Variants in RASSF8 observed in about 807,000 individuals in gnomAD.
The protein encoded by RASSF8 is Ras association domain family member 8.
Under a neutral mutation model 48.5 loss-of-function variants are expected in RASSF8, and 22 were observed. That is an observed-to-expected ratio of 0.45 (90% confidence interval 0.32 to 0.65). The LOEUF (loss-of-function observed/expected upper bound fraction) is 0.65. RASSF8 is among the 30% of genes least tolerant of loss of function. The pLI, the probability that RASSF8 is intolerant of heterozygous loss-of-function variation, is 0.03. For missense variants in RASSF8, 418 were observed against 489.2 expected, an observed-to-expected ratio of 0.85 and a Z score of 1.37; for synonymous variants, 127 against 171.5, an observed-to-expected ratio of 0.74 and a Z score of 2.03.
intron 2 of RASSF8, among the ~76,000 whole-genome samples, chr12:26,009,836 A>G (rs1942480060): frequency 6.6e-6 from 1 of 152,246 alleles, no homozygotes; most frequent in Admixed American, 6.5e-5. Flanking sequence ...TGAGCTTGAT[A>G]GAGAATGGAA....
In RASSF8 at chr12:26,065,338, G is replaced by A. The variant is rs2060238695; in HGVS notation, c.944G>A (p.Gly315Asp). Residue 315 changes from glycine to aspartate, a missense_variant, in exon 4 of 6, where the codon GGC (glycine) becomes GAC (aspartate). By Grantham distance (94) the Gly-to-Asp change is moderately conservative. Coordinates refer to ENST00000689635, the MANE Select transcript of RASSF8 (RefSeq NM_001394098.1). ...CAGCAGAGTCTGAGGTTGGAAAATG[G>A]CATCAAAGCTGTGGAAAGATCTCTT... ...QGQQSLRLEN[G>D]IKAVERSLGQ... 6.2e-7 allele frequency: 1 copy of A among 1,614,000 alleles called. No individual in the cohort carries two copies. The highest frequency in any genetic ancestry group is 8.5e-7 in the Non-Finnish European group (1 of 1,179,976).
chr12:25,972,851 A>T (rs1317019138), intron 1 of RASSF8, among the ~76,000 whole-genome samples: 1 of 152,228 alleles, frequency 6.6e-6, no homozygotes, highest in Admixed American at 6.5e-5. Context: ...AGAATACAGC[A>T]TTATCAGCAT....
At chr12:26,033,576 A>G (rs1943071861) in intron 2 of RASSF8, among the ~76,000 whole-genome samples, 1 of 152,170 alleles carries the variant, frequency 6.6e-6, no homozygotes, top group African/African-American at 2.4e-5. Flanking sequence ...GAAAAAGGAA[A>G]TAAGTTCTGC....
intron 1 of RASSF8, among the ~76,000 whole-genome samples, chr12:25,971,281 T>A (rs1409510962): frequency 6.6e-6 from 1 of 152,214 alleles, no homozygotes; most frequent in African/African-American, 2.4e-5. Context: ...TTCTTAATGA[T>A]TTTCGTGGGG....
Position 25,994,510 on chromosome 12 carries a change from G to A in RASSF8, c.-202-527G>A, listed in dbSNP as rs79089096. 2.6e-5 allele frequency among the ~76,000 whole-genome samples: 4 copies of A among 152,266 alleles called. No homozygotes were observed. The East Asian group carries it at 7.7e-4, about 29-fold the overall frequency. ...GGCAGTAAAATGGTCAAAAGAAATG[G>A]TGCCAAGTTACCCTCTTTCTTAGGT... On this transcript the variant is annotated intron_variant, in intron 1 of 5. Transcript: ENST00000689635.
chr12:26,000,838 C>A (rs1431620057), intron 2 of RASSF8, among the ~76,000 whole-genome samples: 1 of 152,042 alleles, frequency 6.6e-6, no homozygotes, highest in African/African-American at 2.4e-5. Context: ...GGGGTATTGC[C>A]TAGAATGGAG....
intron 2 of RASSF8, among the ~76,000 whole-genome samples, chr12:26,045,054 T>A (rs1251339009): frequency 6.6e-6 from 1 of 152,196 alleles, no homozygotes; most frequent in Non-Finnish European, 1.5e-5. Context: ...AATTATTTAA[T>A]TGGCTTAGAT....
At chr12:26,006,554 A>G (rs1471684748) in intron 2 of RASSF8, among the ~76,000 whole-genome samples, 1 of 152,252 alleles carries the variant, frequency 6.6e-6, no homozygotes, top group Non-Finnish European at 1.5e-5. Flanking sequence ...GACTACATAT[A>G]TGTTTATACA....
chr12:26,039,860 T>C (rs1165643158), intron 2 of RASSF8, among the ~76,000 whole-genome samples: 1 of 152,228 alleles, frequency 6.6e-6, no homozygotes, highest in Admixed American at 6.5e-5. Context: ...GTAAAGAAAT[T>C]AATTGATTTG....
intron 2 of RASSF8, among the ~76,000 whole-genome samples, chr12:26,041,950 T>C (rs1490733074): frequency 6.6e-6 from 1 of 152,196 alleles, no homozygotes; most frequent in African/African-American, 2.4e-5. Flanking sequence ...ACCCAAAACC[T>C]AACAATTGTT....
chr12:26,055,263 C>T lies in RASSF8; in HGVS notation c.-81C>T. Reference sequence around the variant, plus strand: ...GACTACACAGACTTAGTCTTCTCCACTCCGTGTTCCTGCAGCTAGAGACAT... The same window carrying T: ...GACTACACAGACTTAGTCTTCTCCATTCCGTGTTCCTGCAGCTAGAGACAT... On this transcript the variant is annotated 5_prime_UTR_variant, in exon 3 of 6. Transcript: ENST00000689635. 3 of 1,138,892 alleles carry T rather than the reference C, an allele frequency of 2.6e-6. No individual in the cohort carries two copies. The highest frequency in any genetic ancestry group is 4.0e-6 in the Non-Finnish European group (3 of 747,720). 70.5% of individuals were successfully genotyped at this position (1,138,892 alleles called of 1,614,324 possible).
chr12:26,000,658 T>C (rs908988911), intron 2 of RASSF8, among the ~76,000 whole-genome samples: 2 of 152,202 alleles, frequency 1.3e-5, no homozygotes, highest in African/African-American at 2.4e-5. Flanking sequence ...ACCCAGGCCA[T>C]ATGATACCCC....
chr12:25,967,270 T>C (rs1195745173), intron 1 of RASSF8, among the ~76,000 whole-genome samples: 1 of 152,206 alleles, frequency 6.6e-6, no homozygotes, highest in Non-Finnish European at 1.5e-5. Flanking sequence ...CAGACATTCC[T>C]TCTCCCTCTT....
At chr12:26,045,690 A>G (rs1483440063) in intron 2 of RASSF8, among the ~76,000 whole-genome samples, 1 of 152,202 alleles carries the variant, frequency 6.6e-6, no homozygotes, top group African/African-American at 2.4e-5. Context: ...AATATTTACA[A>G]TACCATAAAT....
At chr12:26,057,100 T>TTGTGTG (rs57510363) in intron 3 of RASSF8, among the ~76,000 whole-genome samples, 21,271 of 128,816 alleles carry the variant, frequency 0.17, 1,641 homozygotes, top group Middle Eastern at 0.23. Flanking sequence ...AATGACACTT[T>TTGTGTG]TGTGTGTGTG....
chr12:26,060,287 T>C (rs181656431), intron 3 of RASSF8, among the ~76,000 whole-genome samples: 11 of 152,306 alleles, frequency 7.2e-5, no homozygotes, highest in African/African-American at 2.6e-4. Context: ...ACTGGGAAGA[T>C]ACACTGTGGA....
intron 1 of RASSF8, among the ~76,000 whole-genome samples, chr12:25,983,698 GAAAAA>G (rs200727009): frequency 1.3e-5 from 2 of 148,412 alleles, no homozygotes; most frequent in African/African-American, 4.9e-5. Flanking sequence ...ACCAAAAAAA[GAAAAA>G]AAACAAAAAA....
At position 26,055,227 on chromosome 12, in the gene RASSF8, C is replaced by T; in HGVS notation, c.-108-9C>T. The T allele has an allele frequency of 1.3e-6, 1 of 791,138 alleles. No individual in the cohort carries two copies. The highest frequency in any genetic ancestry group is 2.3e-5 in the Admixed American group (1 of 43,868). The allele number at this position is 791,138 out of a possible 1,614,324, so 49.0% of individuals were successfully genotyped here. A position where few individuals can be genotyped will look rare whatever the true frequency, so the allele number is the denominator to read the frequency against. On this transcript the variant is annotated splice_polypyrimidine_tract_variant and intron_variant, in intron 2 of 5. Coordinates refer to ENST00000689635, the MANE Select transcript of RASSF8 (RefSeq NM_001394098.1). Reference sequence around the variant, plus strand: ...ATTTTATTACAAGTGATTTTTTGCCCTTTTTTAGCTGACTACACAGACTTA... The same window carrying T: ...ATTTTATTACAAGTGATTTTTTGCCTTTTTTTAGCTGACTACACAGACTTA...
intron 4 of RASSF8, among the ~76,000 whole-genome samples, chr12:26,066,148 A>G (rs558384181): frequency 8.2e-4 from 125 of 152,328 alleles, no homozygotes; most frequent in African/African-American, 2.9e-3. Flanking sequence ...TTAGTCACAC[A>G]TGGTCACATT....
Sources: allele counts gnomAD v4.1 joint callset (sites outside exome capture counted in the v4.1 genomes callset), GRCh38; gene constraint gnomAD v4.1.1; transcripts MANE v1.5; gene names NCBI Gene and HGNC (gene_info 2026-07-23, HGNC 2026-07-21).